Variants in CCSER1 observed in about 807,000 individuals in gnomAD.
CCSER1 encodes the protein coiled-coil serine rich protein 1.
Under a neutral mutation model 82.0 loss-of-function variants are expected in CCSER1, and 41 were observed. That is an observed-to-expected ratio of 0.50 (90% CI 0.39 to 0.65). The LOEUF is 0.65. CCSER1 is among the 30% of genes least tolerant of loss of function. The pLI, the probability that CCSER1 is intolerant of heterozygous loss-of-function variation, is 0.00. For missense variants in CCSER1, 1,119 were observed against 1,064.2 expected, an observed-to-expected ratio of 1.05 and a Z score of -0.72; for synonymous variants, 414 against 383.9, an observed-to-expected ratio of 1.08 and a Z score of -0.92.
At chr4:91,374,316 C>T (rs1428841484) in intron 10 of CCSER1, among the ~76,000 whole-genome samples, 2 of 152,144 alleles carry the variant, frequency 1.3e-5, no homozygotes, top group Admixed American at 6.6e-5. Flanking sequence ...CTTTTAAGGA[C>T]GGAATGACTC....
intron 8 of CCSER1, among the ~76,000 whole-genome samples, chr4:90,909,369 C>A (rs1295545899): frequency 6.6e-6 from 1 of 152,054 alleles, no homozygotes; most frequent in Non-Finnish European, 1.5e-5. Context: ...GTGCAGAGGC[C>A]ATTGGAATAA....
At chr4:91,441,088 G>C (rs1028174031) in intron 10 of CCSER1, among the ~76,000 whole-genome samples, 12 of 151,990 alleles carry the variant, frequency 7.9e-5, no homozygotes, top group Non-Finnish European at 1.6e-4. Context: ...CCAATCAATA[G>C]AAAAAGAGGG....
Position 91,121,743 on chromosome 4 carries a change from G to C in CCSER1, c.2217+35749G>C, listed in dbSNP as rs72888541. Among the ~76,000 whole-genome samples the C allele has an allele frequency of 9.7e-3, 1,464 of 151,540 alleles. 24 individuals are homozygous for C. Among genetic ancestry groups the C allele is most frequent in the African/African-American group, 0.033 (1,380 of 41,458 alleles). Reference sequence around the variant, plus strand: ...TGTAATACTTTCCTTTAAAAAGAAAGTATTATAAAATAGTTAATGTATGCT... The same window carrying C: ...TGTAATACTTTCCTTTAAAAAGAAACTATTATAAAATAGTTAATGTATGCT... On this transcript the variant is annotated intron_variant, in intron 10 of 10. Coordinates refer to ENST00000509176, the MANE Select transcript of CCSER1 (RefSeq NM_001145065.2).
chr4:91,392,239 T>G (rs1751696221), intron 10 of CCSER1, among the ~76,000 whole-genome samples: 1 of 152,114 alleles, frequency 6.6e-6, no homozygotes, highest in Non-Finnish European at 1.5e-5. Flanking sequence ...AATAGCAGGA[T>G]ATTTCTCTTT....
intron 1 of CCSER1, among the ~76,000 whole-genome samples, chr4:90,295,805 C>T (rs1731778400): frequency 6.6e-6 from 1 of 152,016 alleles, no homozygotes; most frequent in Non-Finnish European, 1.5e-5. Flanking sequence ...TTGACCACAT[C>T]CTGGCTTAGC....
In CCSER1 at chr4:90,932,974, GAAAGAAAGAGAAAGAA is replaced by G. The variant is rs1561384909; in HGVS notation, c.2172+9529_2172+9544del. Among the ~76,000 whole-genome samples the G allele has an allele frequency of 2.2e-3, 67 of 30,396 alleles. 3 individuals are homozygous for G. The highest frequency in any genetic ancestry group is 3.0e-3 in the East Asian group (5 of 1,694). 19.9% of individuals were successfully genotyped at this position (30,396 alleles called of 152,430 possible). A position where few individuals can be genotyped will look rare whatever the true frequency, so the allele number is the denominator to read the frequency against. On this transcript the variant is annotated intron_variant, in intron 9 of 10. Transcript: ENST00000509176. ...AGAAAGAAAGAAAGAAAGAAAGAAAGAAAGAAAGAGAAAGAAAGAAAGAAAGAAAGAAAGAAAGAAA... is the reference window on the plus strand; with the variant it reads ...AGAAAGAAAGAAAGAAAGAAAGAAAGAGAAAGAAAGAAAGAAAGAAAGAAA...
At chr4:90,611,219 C>T (rs1227726107) in intron 5 of CCSER1, among the ~76,000 whole-genome samples, 2 of 151,732 alleles carry the variant, frequency 1.3e-5, no homozygotes, top group Non-Finnish European at 2.9e-5. Flanking sequence ...TCTTAACAAG[C>T]AAATGAAAAA....
intron 4 of CCSER1, among the ~76,000 whole-genome samples, chr4:90,410,436 C>T (rs113290371): frequency 9.9e-5 from 15 of 152,236 alleles, no homozygotes; most frequent in African/African-American, 1.7e-4. Context: ...ACTGTCTCTC[C>T]GACCACAGTG....
intron 7 of CCSER1, among the ~76,000 whole-genome samples, chr4:90,769,774 T>C (rs1282991548): frequency 6.6e-6 from 1 of 152,190 alleles, no homozygotes; most frequent in Non-Finnish European, 1.5e-5. Flanking sequence ...TTTGAGTAGG[T>C]ACTACAGTAG....
intron 7 of CCSER1, among the ~76,000 whole-genome samples, chr4:90,814,819 C>G (rs1115461): frequency 0.021 from 3,181 of 152,282 alleles, 103 homozygotes; most frequent in Admixed American, 0.098. Flanking sequence ...TTGACCAAAT[C>G]ACCATAACAT....
chr4:91,550,333 C>G (rs1328720999), intron 10 of CCSER1, among the ~76,000 whole-genome samples: 1 of 152,138 alleles, frequency 6.6e-6, no homozygotes, highest in Non-Finnish European at 1.5e-5. Flanking sequence ...GACTGGTCCC[C>G]TTTGGAGCTT....
intron 10 of CCSER1, among the ~76,000 whole-genome samples, chr4:91,223,432 A>T (rs1348625899): frequency 6.6e-6 from 1 of 152,174 alleles, no homozygotes; most frequent in East Asian, 1.9e-4. Context: ...GTACATAAGT[A>T]TAATAAAGAA....
At chr4:90,896,989 A>T (rs2150133281) in intron 8 of CCSER1, among the ~76,000 whole-genome samples, 1 of 152,090 alleles carries the variant, frequency 6.6e-6, no homozygotes, top group South Asian at 2.1e-4. Flanking sequence ...GGAGAGTGAA[A>T]TTAAAAGAAT....
At chr4:91,544,190 G>T (rs1761758850) in intron 10 of CCSER1, among the ~76,000 whole-genome samples, 1 of 152,078 alleles carries the variant, frequency 6.6e-6, no homozygotes, top group African/African-American at 2.4e-5. Flanking sequence ...GTTTATTCTA[G>T]TTAGCCATTC....
chr4:91,593,482 T>C (rs1456489065), intron 10 of CCSER1, among the ~76,000 whole-genome samples: 3 of 143,776 alleles, frequency 2.1e-5, no homozygotes, highest in African/African-American at 7.7e-5. Context: ...TTTTTTTTTT[T>C]TTTTTTTTTT....
chr4:90,751,733 A>G (rs1288701962), intron 7 of CCSER1, among the ~76,000 whole-genome samples: 2 of 152,030 alleles, frequency 1.3e-5, no homozygotes, highest in South Asian at 2.1e-4. Context: ...TTATTCTTTT[A>G]TTATCATAGA....
At chr4:90,971,433 C>T (rs781306223) in intron 9 of CCSER1, among the ~76,000 whole-genome samples, 28 of 151,970 alleles carry the variant, frequency 1.8e-4, no homozygotes, top group Admixed American at 9.2e-4. Flanking sequence ...CACCAAGCCC[C>T]TCTTCCAACC....
intron 9 of CCSER1, among the ~76,000 whole-genome samples, chr4:90,976,976 T>C (rs1053581605): frequency 1.3e-5 from 2 of 151,626 alleles, no homozygotes; most frequent in African/African-American, 4.8e-5. Context: ...AAAGTGAAGG[T>C]GACATGAGAC....
At chr4:90,843,212 T>A (rs533370313) in intron 8 of CCSER1, among the ~76,000 whole-genome samples, 1 of 145,258 alleles carries the variant, frequency 6.9e-6, no homozygotes, top group Non-Finnish European at 1.5e-5. Flanking sequence ...TCATGTAATG[T>A]GGTAAGGCTT....
Sources: allele counts gnomAD v4.1 joint callset (sites outside exome capture counted in the v4.1 genomes callset), GRCh38; gene constraint gnomAD v4.1.1; transcripts MANE v1.5; gene names NCBI Gene and HGNC (gene_info 2026-07-23, HGNC 2026-07-21).